Variants in CLEC4D observed in about 807,000 individuals in gnomAD.
CLEC4D encodes C-type (calcium dependent, carbohydrate-recognition domain) lectin, superfamily member 8.
CLEC4D carries 21 observed loss-of-function variants against 21.1 expected under a neutral mutation model. The observed-to-expected ratio is 1.00, with a 90% CI of 0.71 to 1.43. CLEC4D has a LOEUF of 1.43. CLEC4D is among the 40% of genes most tolerant of loss of function. CLEC4D has a pLI of 0.00. For synonymous variants in CLEC4D, 85 were observed against 83.1 expected (o/e 1.02, Z -0.12); for missense variants, 289 against 260.7 (o/e 1.11, Z -0.75).
chr12:8,527,171 T>C (rs12305960), downstream of CLEC4D, among the ~76,000 whole-genome samples: 43,501 of 152,000 alleles, frequency 0.29, 6,846 homozygotes, highest in African/African-American at 0.41. Context: ...TCTCACCCAG[T>C]TGGGTGGCAC....
intron 1 of CLEC4D, among the ~76,000 whole-genome samples, chr12:8,513,985 A>G (rs920109057): frequency 2.0e-5 from 3 of 152,234 alleles, no homozygotes; most frequent in Non-Finnish European, 2.9e-5. Flanking sequence ...GAGATAAAAT[A>G]TATAAAAGAG....
intron 3 of CLEC4D, 72 bp from the exon 4 acceptor site, chr12:8,518,937 A>C (rs1193929077): frequency 6.5e-7 from 1 of 1,541,462 alleles, no homozygotes; most frequent in Non-Finnish European, 8.7e-7. Context: ...TATAGGTAGT[A>C]GAATAGTTAT....
At chr12:8,516,358 TAATA>T (rs1329597120) in intron 2 of CLEC4D, among the ~76,000 whole-genome samples, 6 of 152,268 alleles carry the variant, frequency 3.9e-5, no homozygotes, top group Non-Finnish European at 7.4e-5. Context: ...TGCATATAAT[TAATA>T]AATAATTCAC....
downstream of CLEC4D, among the ~76,000 whole-genome samples, chr12:8,522,880 G>A (rs1455370595): frequency 1.3e-5 from 2 of 152,128 alleles, no homozygotes; most frequent in East Asian, 3.8e-4. Flanking sequence ...TGTATAAGGT[G>A]TAAGGAAAGA....
At chr12:8,513,784 T>A in intron 1 of CLEC4D, 24 bp downstream of exon 1, 1 of 970,612 alleles carries the variant, frequency 1.0e-6, no homozygotes, top group Non-Finnish European at 1.7e-6. Context: ...CTCCTTTCCA[T>A]TTCAAAGAAG....
chr12:8,513,690 A>G lies in CLEC4D; in HGVS notation c.-43A>G. ...ACTCTGGGGGAAAAAAAATAGAACA[A>G]ATTCTTGCCGTCCTGACCATTGAAC... On this transcript the variant is annotated 5_prime_UTR_variant, in exon 1 of 6. Coordinates refer to ENST00000299665, the MANE Select transcript of CLEC4D (RefSeq NM_080387.5). 1 of 931,746 alleles carries G rather than the reference A, an allele frequency of 1.1e-6. No homozygotes were observed. The highest frequency in any genetic ancestry group is 1.8e-5 in the Admixed American group (1 of 56,904). 57.7% of individuals were successfully genotyped at this position (931,746 alleles called of 1,614,324 possible). A position where few individuals can be genotyped will look rare whatever the true frequency, so the allele number is the denominator to read the frequency against.
At chr12:8,529,533 T>G in the CLEC4D span, among the ~76,000 whole-genome samples, 3 of 152,142 alleles carry the variant, frequency 2.0e-5, no homozygotes, top group Non-Finnish European at 1.5e-5. Flanking sequence ...GAGGATTGCT[T>G]GAGCCCAGGA....
chr12:8,521,038 C>T (rs1219199743), intron 5 of CLEC4D, 86 bp from the exon 6 acceptor site: 1 of 1,471,750 alleles, frequency 6.8e-7, no homozygotes, highest in East Asian at 2.4e-5. Flanking sequence ...GAATTGTCTC[C>T]TAATATATCT....
At chr12:8,515,001 C>T (rs1940358534) in intron 1 of CLEC4D, among the ~76,000 whole-genome samples, 1 of 151,884 alleles carries the variant, frequency 6.6e-6, no homozygotes, top group Non-Finnish European at 1.5e-5. Context: ...GGTTTTGTAT[C>T]TTACTTATAA....
intron 4 of CLEC4D, 150 bp downstream of exon 4, chr12:8,519,310 T>A: frequency 7.8e-7 from 1 of 1,283,042 alleles, no homozygotes; most frequent in Non-Finnish European, 1.0e-6. Context: ...TTTTGTCATA[T>A]GGCCAACTTC....
intron 3 of CLEC4D, 50 bp from the exon 4 acceptor site, chr12:8,518,959 C>G (rs768476163): frequency 1.9e-6 from 3 of 1,590,056 alleles, no homozygotes; most frequent in Non-Finnish European, 2.6e-6. Flanking sequence ...CAATCTGTTA[C>G]AGATGAAATG....
the CLEC4D span, among the ~76,000 whole-genome samples, chr12:8,529,245 G>A: frequency 2.6e-5 from 4 of 152,130 alleles, no homozygotes; most frequent in East Asian, 7.7e-4. Context: ...GAATGCATTT[G>A]AATGAATTGA....
the CLEC4D span, among the ~76,000 whole-genome samples, chr12:8,530,271 A>G: frequency 6.6e-6 from 1 of 152,226 alleles, no homozygotes; most frequent in African/African-American, 2.4e-5. Context: ...GAACAAAACT[A>G]TAGCAGCTTT....
chr12:8,530,693 G>A, the CLEC4D span, among the ~76,000 whole-genome samples: 16 of 152,182 alleles, frequency 1.1e-4, no homozygotes, highest in African/African-American at 3.4e-4. Context: ...CTACTGTACT[G>A]GATAGCTCAG....
chr12:8,519,572 T>C (rs972114720), intron 4 of CLEC4D, among the ~76,000 whole-genome samples: 2 of 152,164 alleles, frequency 1.3e-5, no homozygotes, highest in Non-Finnish European at 2.9e-5. Context: ...TCCCGTGCAG[T>C]GTGAGGCACA....
At chr12:8,515,502 T>C (rs1940367297) in intron 2 of CLEC4D, among the ~76,000 whole-genome samples, 174 bp downstream of exon 2, 1 of 152,214 alleles carries the variant, frequency 6.6e-6, no homozygotes, top group Non-Finnish European at 1.5e-5. Context: ...TGTCTTTCAA[T>C]GGTGGTACCT....
At chr12:8,525,252 C>T (rs997241495), downstream of CLEC4D, among the ~76,000 whole-genome samples, 4 of 152,032 alleles carry the variant, frequency 2.6e-5, no homozygotes, top group African/African-American at 9.7e-5. Flanking sequence ...TCTGAATATC[C>T]TTGTTAATTT....
chr12:8,531,290 A>G, the CLEC4D span, among the ~76,000 whole-genome samples: 3 of 152,198 alleles, frequency 2.0e-5, no homozygotes, highest in African/African-American at 7.2e-5. Flanking sequence ...GCACACACGT[A>G]TAAAGACCAC....
rs1224459985 is a variant in CLEC4D at position 8,515,889 on chromosome 12, T to A, written c.121+561T>A. 2.6e-5 allele frequency among the ~76,000 whole-genome samples: 4 copies of A among 152,078 alleles called. No homozygotes were observed. The South Asian group carries it at 6.2e-4, about 24-fold the overall frequency. On this transcript the variant is annotated intron_variant, in intron 2 of 5. Transcript: ENST00000299665. ...TCTGATATCAAACATAAAATAATTA[T>A]AATTAAAGTAATATGATATAGGTGC...
Sources: allele counts gnomAD v4.1 joint callset (sites outside exome capture counted in the v4.1 genomes callset), GRCh38; gene constraint gnomAD v4.1.1; transcripts MANE v1.5; gene names NCBI Gene and HGNC (gene_info 2026-07-23, HGNC 2026-07-21).